MDFIC2: variants seen among roughly 807,000 people sequenced by gnomAD.
MDFIC2 encodes the protein myoD family inhibitor domain-containing protein 2.
At chr3:70,288,410 T>C (rs1702190749) in intron 2 of MDFIC2, among the ~76,000 whole-genome samples, 1 of 149,120 alleles carries the variant, frequency 6.7e-6, no homozygotes, top group South Asian at 2.2e-4. Flanking sequence ...TTGATTGCAC[T>C]GTGGTCTGAG....
chr3:70,251,771 G>A (rs537736766), intron 2 of MDFIC2, among the ~76,000 whole-genome samples: 4 of 152,280 alleles, frequency 2.6e-5, no homozygotes, highest in African/African-American at 4.8e-5. Context: ...CCTGTAGAAC[G>A]GACCTAGGCA....
intron 2 of MDFIC2, among the ~76,000 whole-genome samples, chr3:70,290,592 T>C (rs1702226138): frequency 6.6e-6 from 1 of 152,190 alleles, no homozygotes; most frequent in African/African-American, 2.4e-5. Context: ...CTCCACCCAG[T>C]TCGAGTTTCC....
intron 2 of MDFIC2, among the ~76,000 whole-genome samples, chr3:70,212,848 TG>T (rs1701364851): frequency 6.6e-6 from 1 of 151,910 alleles, no homozygotes; most frequent in Non-Finnish European, 1.5e-5. Context: ...AGTGCAGTGG[TG>T]GTGGTGCAAT....
chr3:70,270,870 A>G (rs1002812793), intron 2 of MDFIC2, among the ~76,000 whole-genome samples: 2 of 152,006 alleles, frequency 1.3e-5, no homozygotes. Flanking sequence ...AACATCACAC[A>G]CCAGGGCTTA....
chr3:70,261,480 T>G (rs1280385885), intron 2 of MDFIC2, among the ~76,000 whole-genome samples: 2 of 152,206 alleles, frequency 1.3e-5, no homozygotes, highest in Non-Finnish European at 2.9e-5. Flanking sequence ...GTACTTTCCT[T>G]GATTCATTCT....
chr3:70,306,067 G>A (rs565244523), intron 2 of MDFIC2, among the ~76,000 whole-genome samples: 1 of 152,114 alleles, frequency 6.6e-6, no homozygotes, highest in East Asian at 1.9e-4. Flanking sequence ...AAGTTTAGAG[G>A]CATTTCCTCC....
Position 70,256,786 on chromosome 3 carries a change from T to C in MDFIC2, c.89-49996A>G, listed in dbSNP as rs371500855. 1.9e-4 allele frequency among the ~76,000 whole-genome samples: 29 copies of C among 152,264 alleles called. No individual in the cohort carries two copies. In the South Asian group the frequency reaches 6.0e-3, roughly 32 times the overall value. ...TAATCATTTACTTCCAAGTTAAGAG[T>C]TCTCTAAACATATGTAATATACTAA... On this transcript the variant is annotated intron_variant, in intron 2 of 3. Coordinates refer to ENST00000567252, the MANE Select transcript of MDFIC2 (RefSeq NM_001364677.1).
intron 2 of MDFIC2, among the ~76,000 whole-genome samples, chr3:70,246,026 A>AAT (rs1172642628): frequency 1.3e-5 from 2 of 151,784 alleles, no homozygotes; most frequent in African/African-American, 4.8e-5. Flanking sequence ...TGCATTGTTA[A>AAT]ATATATATAT....
chr3:70,310,975 A>C (rs897543626), intron 2 of MDFIC2, among the ~76,000 whole-genome samples: 1 of 152,166 alleles, frequency 6.6e-6, no homozygotes, highest in Non-Finnish European at 1.5e-5. Context: ...TAAATTAAGG[A>C]TAATAACTGC....
Position 70,256,985 on chromosome 3 carries a change from G to A in MDFIC2, c.89-50195C>T, listed in dbSNP as rs555439472. On this transcript the variant is annotated intron_variant, in intron 2 of 3. Coordinates refer to ENST00000567252, the MANE Select transcript of MDFIC2 (RefSeq NM_001364677.1). ...GGAAAAGCCCGACTATGGGCTGAGC[G>A]AAGGAGAGGAGGGCAAGTCCAGTGG... 7.2e-5 allele frequency among the ~76,000 whole-genome samples: 11 copies of A among 152,302 alleles called. No homozygotes were observed. The East Asian group carries it at 7.7e-4, about 11-fold the overall frequency.
chr3:70,309,765 T>C (rs138288308), intron 2 of MDFIC2, among the ~76,000 whole-genome samples: 1 of 152,334 alleles, frequency 6.6e-6, no homozygotes, highest in African/African-American at 2.4e-5. Flanking sequence ...CTGGCTCAAT[T>C]TCCTTTTATG....
intron 2 of MDFIC2, among the ~76,000 whole-genome samples, chr3:70,307,608 T>A (rs1340225185): frequency 6.6e-6 from 1 of 152,188 alleles, no homozygotes; most frequent in Non-Finnish European, 1.5e-5. Flanking sequence ...AGGTCATATT[T>A]TTCTCGCTTC....
At chr3:70,238,435 C>T (rs1318242577) in intron 2 of MDFIC2, among the ~76,000 whole-genome samples, 1 of 151,710 alleles carries the variant, frequency 6.6e-6, no homozygotes, top group Non-Finnish European at 1.5e-5. Flanking sequence ...TGTAGAAATC[C>T]CATCTCTACA....
At position 70,196,559 on chromosome 3, in the gene MDFIC2, G is replaced by C. The variant is rs1701182894; in HGVS notation, c.*367C>G. ...CAATTCTAAAAGAATGCACTAATTT[G>C]TCCTGAATTTGTGAATGAGGTTGAA... On this transcript the variant is annotated 3_prime_UTR_variant, in exon 4 of 4. Transcript: ENST00000567252. 6.6e-6 allele frequency among the ~76,000 whole-genome samples: 1 copy of C among 152,184 alleles called. No individual in the cohort carries two copies. Among genetic ancestry groups the C allele is most frequent in the Admixed American group, 6.5e-5 (1 of 15,284 alleles).
At chr3:70,255,912 GA>G (rs1314634939) in intron 2 of MDFIC2, among the ~76,000 whole-genome samples, 8 of 151,842 alleles carry the variant, frequency 5.3e-5, no homozygotes, top group East Asian at 1.9e-4. Flanking sequence ...GCATTTACAG[GA>G]AAAAAATTCT....
Position 70,196,284 on chromosome 3 carries a change from C to T in MDFIC2, c.*642G>A, listed in dbSNP as rs2106715857. Among the ~76,000 whole-genome samples, 1 of 152,262 alleles carries T rather than the reference C, an allele frequency of 6.6e-6. No homozygotes were observed. The highest frequency in any genetic ancestry group is 1.9e-4 in the East Asian group (1 of 5,176). On this transcript the variant is annotated 3_prime_UTR_variant, in exon 4 of 4. Coordinates refer to ENST00000567252, the MANE Select transcript of MDFIC2 (RefSeq NM_001364677.1). ...AATAATATGGTCTAGAATTATAGTA[C>T]TCTCTTGAAGTACACCATATTCAAA...
intron 2 of MDFIC2, among the ~76,000 whole-genome samples, chr3:70,228,876 G>A (rs1342340012): frequency 1.3e-5 from 2 of 152,032 alleles, no homozygotes; most frequent in Non-Finnish European, 2.9e-5. Flanking sequence ...CTATTATGTG[G>A]CAGACTATGT....
intron 2 of MDFIC2, among the ~76,000 whole-genome samples, chr3:70,287,225 A>G (rs1164903985): frequency 2.2e-5 from 3 of 139,010 alleles, no homozygotes; most frequent in African/African-American, 5.6e-5. Flanking sequence ...ATTTTGAAAT[A>G]CGTCCCATCA....
chr3:70,243,733 C>T (rs1701681301), intron 2 of MDFIC2, among the ~76,000 whole-genome samples: 1 of 152,032 alleles, frequency 6.6e-6, no homozygotes, highest in Non-Finnish European at 1.5e-5. Context: ...AGTTGGGCAT[C>T]ACTGATCTAA....
Sources: gnomAD v4.1 joint callset for allele counts (sites outside exome capture counted in the v4.1 genomes callset) on GRCh38, gnomAD v4.1.1 for gene constraint, MANE v1.5 for transcripts, NCBI Gene and HGNC (gene_info 2026-07-23, HGNC 2026-07-21) for gene names.